Variants in CCSER1 observed in about 807,000 individuals in gnomAD.
The protein encoded by CCSER1 is coiled-coil serine rich protein 1.
In CCSER1, 41 loss-of-function variants were observed where a neutral mutation model predicts 82.0. That is an observed-to-expected ratio of 0.50 (90% CI 0.39 to 0.65). CCSER1 has a LOEUF of 0.65. Among genes scored for constraint, CCSER1 ranks in the 30% least tolerant of loss-of-function variants. The pLI, the probability that CCSER1 is intolerant of heterozygous loss-of-function variation, is 0.00. For missense variants in CCSER1, 1,119 were observed against 1,064.2 expected (o/e 1.05, Z -0.72); for synonymous variants, 414 against 383.9 (o/e 1.08, Z -0.92).
intron 10 of CCSER1, among the ~76,000 whole-genome samples, chr4:91,115,696 G>A (rs1457456771): frequency 6.6e-6 from 1 of 151,668 alleles, no homozygotes; most frequent in Non-Finnish European, 1.5e-5. Context: ...AATTTCAATG[G>A]AATGTTGAAT....
chr4:91,166,571 C>T (rs929868813), intron 10 of CCSER1, among the ~76,000 whole-genome samples: 1 of 152,156 alleles, frequency 6.6e-6, no homozygotes, highest in Non-Finnish European at 1.5e-5. Context: ...ATATACCAAG[C>T]AAACTTAATT....
intron 3 of CCSER1, among the ~76,000 whole-genome samples, chr4:90,317,824 G>A (rs1355613198): frequency 6.6e-6 from 1 of 152,140 alleles, no homozygotes; most frequent in African/African-American, 2.4e-5. Flanking sequence ...AAAAGAAAGA[G>A]ATCTCTGGAG....
intron 8 of CCSER1, among the ~76,000 whole-genome samples, chr4:90,892,505 G>A (rs550363330): frequency 6.6e-6 from 1 of 151,886 alleles, no homozygotes; most frequent in South Asian, 2.1e-4. Context: ...CCATATTTCT[G>A]TGGAACATTA....
chr4:90,190,276 G>A (rs2153395572), intron 1 of CCSER1, among the ~76,000 whole-genome samples: 1 of 152,178 alleles, frequency 6.6e-6, no homozygotes, highest in East Asian at 1.9e-4. Context: ...CATTCAAGAT[G>A]AAAAGTATAA....
chr4:91,551,319 T>G (rs1468283188), intron 10 of CCSER1, among the ~76,000 whole-genome samples: 1 of 152,162 alleles, frequency 6.6e-6, no homozygotes, highest in Admixed American at 6.6e-5. Context: ...GTTTACAGTT[T>G]ATCTCAATAA....
At chr4:90,506,596 C>G (rs920773499) in intron 5 of CCSER1, among the ~76,000 whole-genome samples, 1 of 151,912 alleles carries the variant, frequency 6.6e-6, no homozygotes, top group Non-Finnish European at 1.5e-5. Flanking sequence ...AACCCTGTCT[C>G]TACTAAAAAA....
intron 5 of CCSER1, among the ~76,000 whole-genome samples, chr4:90,474,088 C>A (rs1398737866): frequency 1.3e-5 from 2 of 150,758 alleles, no homozygotes; most frequent in African/African-American, 2.5e-5. Context: ...TTGCAGTGAG[C>A]CGAGATTGCG....
At chr4:91,023,454 C>G (rs1561479526) in intron 9 of CCSER1, among the ~76,000 whole-genome samples, 1 of 152,162 alleles carries the variant, frequency 6.6e-6, no homozygotes, top group Non-Finnish European at 1.5e-5. Flanking sequence ...GGTACCAAAA[C>G]AGAGATATAG....
chr4:91,587,773 T>G (rs1048772442), intron 10 of CCSER1, among the ~76,000 whole-genome samples: 1 of 151,644 alleles, frequency 6.6e-6, no homozygotes, highest in Non-Finnish European at 1.5e-5. Context: ...TATGGAAATA[T>G]TAAACACTGC....
chr4:91,035,850 C>G (rs946335071), intron 9 of CCSER1, among the ~76,000 whole-genome samples: 1 of 152,108 alleles, frequency 6.6e-6, no homozygotes, highest in Admixed American at 6.6e-5. Flanking sequence ...ACTCCTAAAA[C>G]GCCACAAAAT....
chr4:91,063,000 C>A (rs1046374975), intron 9 of CCSER1, among the ~76,000 whole-genome samples: 1 of 151,998 alleles, frequency 6.6e-6, no homozygotes, highest in African/African-American at 2.4e-5. Context: ...CTCTATTAGA[C>A]TATGTTGAGA....
intron 10 of CCSER1, among the ~76,000 whole-genome samples, chr4:91,342,934 C>G (rs758880389): frequency 3.1e-4 from 47 of 151,970 alleles, no homozygotes; most frequent in Non-Finnish European, 6.2e-4. Context: ...TTAATTCACT[C>G]CTTTAAGCAA....
chr4:90,809,243 A>G (rs1757923953), intron 7 of CCSER1, among the ~76,000 whole-genome samples: 1 of 151,234 alleles, frequency 6.6e-6, no homozygotes. Context: ...TCCTTTAAGC[A>G]TAGGAGGTTG....
chr4:90,194,787 A>G (rs1468227630), intron 1 of CCSER1, among the ~76,000 whole-genome samples: 2 of 152,120 alleles, frequency 1.3e-5, no homozygotes, highest in Non-Finnish European at 2.9e-5. Flanking sequence ...TGAGCTGACT[A>G]GCTAAACCAA....
intron 9 of CCSER1, among the ~76,000 whole-genome samples, chr4:91,019,971 C>T (rs1739780959): frequency 6.6e-6 from 1 of 152,056 alleles, no homozygotes; most frequent in African/African-American, 2.4e-5. Flanking sequence ...TATATACTTT[C>T]AAACTGATGA....
At chr4:91,244,214 G>A (rs185258973) in intron 10 of CCSER1, among the ~76,000 whole-genome samples, 297 of 152,344 alleles carry the variant, frequency 1.9e-3, no homozygotes, top group Non-Finnish European at 3.6e-3. Context: ...GAAGGACTTC[G>A]TATTGTAGTG....
chr4:90,208,512 C>T (rs1034453218), intron 1 of CCSER1, among the ~76,000 whole-genome samples: 4 of 151,568 alleles, frequency 2.6e-5, no homozygotes, highest in Admixed American at 6.6e-5. Context: ...GGGGCGTGAA[C>T]GGTTTTGTCT....
intron 7 of CCSER1, among the ~76,000 whole-genome samples, chr4:90,745,780 C>T (rs1747338646): frequency 6.9e-6 from 1 of 145,796 alleles, no homozygotes. Flanking sequence ...AGCTCCGCCT[C>T]CTGGGCTCAC....
chr4:91,518,176 T>C (rs190657700), intron 10 of CCSER1, among the ~76,000 whole-genome samples: 1 of 152,274 alleles, frequency 6.6e-6, no homozygotes, highest in East Asian at 1.9e-4. Context: ...CCCAGCTTGG[T>C]AGCAGCAAAG....
Sources: allele counts gnomAD v4.1 joint callset (sites outside exome capture counted in the v4.1 genomes callset), GRCh38; gene constraint gnomAD v4.1.1; transcripts MANE v1.5; gene names NCBI Gene and HGNC (gene_info 2026-07-23, HGNC 2026-07-21).